CDH12: variants seen among roughly 807,000 people sequenced by gnomAD.
CDH12 encodes the protein cadherin-12.
A neutral mutation model predicts 74.1 loss-of-function variants in CDH12; 41 were observed. That is an observed-to-expected ratio of 0.55 (90% CI 0.43 to 0.72). The LOEUF is 0.72. Among genes scored for constraint, CDH12 ranks in the 30% least tolerant of loss-of-function variants. The pLI, the probability that CDH12 is intolerant of heterozygous loss-of-function variation, is 0.00. For synonymous variants in CDH12, 399 were observed against 355.0 expected (o/e 1.12, Z -1.39); for missense variants, 945 against 977.2 (o/e 0.97, Z 0.44).
At chr5:22,186,224 A>T (rs1322865658) in intron 4 of CDH12, among the ~76,000 whole-genome samples, 1 of 152,232 alleles carries the variant, frequency 6.6e-6, no homozygotes, top group African/African-American at 2.4e-5. Flanking sequence ...ACACACATAT[A>T]TGAAGAATTT....
chr5:22,725,741 A>G (rs1744133973), intron 1 of CDH12, among the ~76,000 whole-genome samples: 1 of 151,774 alleles, frequency 6.6e-6, no homozygotes, highest in Non-Finnish European at 1.5e-5. Context: ...AAAAACATTC[A>G]GACTATAGCA....
At chr5:22,485,999 GT>G (rs987820469) in intron 2 of CDH12, among the ~76,000 whole-genome samples, 2 of 152,144 alleles carry the variant, frequency 1.3e-5, no homozygotes, top group African/African-American at 4.8e-5. Context: ...CTTTTTCAAA[GT>G]GACTTCCAAG....
chr5:22,039,508 G>C (rs62349096), intron 5 of CDH12, among the ~76,000 whole-genome samples: 1 of 152,074 alleles, frequency 6.6e-6, no homozygotes, highest in Non-Finnish European at 1.5e-5. Context: ...CTACATCCTA[G>C]TACCTAATGC....
intron 1 of CDH12, among the ~76,000 whole-genome samples, chr5:22,620,217 C>T (rs536045854): frequency 3.3e-5 from 5 of 152,006 alleles, no homozygotes; most frequent in Admixed American, 2.6e-4. Flanking sequence ...CCCCCAATGG[C>T]CACTCCACAT....
chr5:22,687,298 A>G (rs1741855338), intron 1 of CDH12, among the ~76,000 whole-genome samples: 1 of 152,334 alleles, frequency 6.6e-6, no homozygotes, highest in Admixed American at 6.5e-5. Context: ...GTCTAAAAAA[A>G]AAAGAAAGAA....
At chr5:22,012,106 TTTAA>T (rs1407673564) in intron 5 of CDH12, among the ~76,000 whole-genome samples, 1 of 149,992 alleles carries the variant, frequency 6.7e-6, no homozygotes, top group Non-Finnish European at 1.5e-5. Context: ...GAAAATTTTC[TTTAA>T]TTATTAACGA....
chr5:21,753,499 T>A (rs1744212260), intron 14 of CDH12, among the ~76,000 whole-genome samples: 1 of 152,178 alleles, frequency 6.6e-6, no homozygotes, highest in African/African-American at 2.4e-5. Flanking sequence ...AGAAAGAAAC[T>A]AGCTGGATGT....
intron 4 of CDH12, among the ~76,000 whole-genome samples, chr5:22,205,318 G>T (rs1304147881): frequency 1.3e-5 from 2 of 152,034 alleles, no homozygotes; most frequent in Non-Finnish European, 2.9e-5. Context: ...TGCCTTCATA[G>T]AGCTCACATT....
rs79478628 is a variant in CDH12 at position 22,313,489 on chromosome 5, C to T, written c.-333+91768G>A. ...CCAACTTATTCTGGTTTGCCTGGGA[C>T]TTTCCCAGTCTTTGTTCTAAAAGTC... On this transcript the variant is annotated intron_variant, in intron 3 of 14. Transcript: ENST00000382254. Among the ~76,000 whole-genome samples, 685 of 152,216 alleles carry T rather than the reference C, an allele frequency of 4.5e-3. 8 individuals carry two copies. Among genetic ancestry groups the T allele is most frequent in the African/African-American group, 0.016 (656 of 41,520 alleles).
At chr5:22,682,878 T>A (rs905502271) in intron 1 of CDH12, among the ~76,000 whole-genome samples, 1 of 152,118 alleles carries the variant, frequency 6.6e-6, no homozygotes, top group Non-Finnish European at 1.5e-5. Context: ...AATTTTGCTA[T>A]CTTCCAAAGT....
intron 10 of CDH12, among the ~76,000 whole-genome samples, chr5:21,800,599 G>C (rs943865470): frequency 3.9e-5 from 6 of 152,260 alleles, no homozygotes; most frequent in Admixed American, 2.0e-4. Flanking sequence ...CGCTGGATCT[G>C]CTGGTCGCTT....
rs558607169 is a variant in CDH12 at position 22,285,356 on chromosome 5, G to T, written c.-332-72713C>A. Among the ~76,000 whole-genome samples the T allele has an allele frequency of 8.3e-4, 127 of 152,198 alleles. 5 individuals carry two copies. The South Asian group carries it at 0.026, about 31-fold the overall frequency. The stretch of plus-strand genomic sequence containing the variant: ...CGTGCATATTTGCTCTTAGTTCCCA[G>T]CTAAATTTCAGAATTTTATGTATAT... On this transcript the variant is annotated intron_variant, in intron 3 of 14. Coordinates refer to ENST00000382254, the MANE Select transcript of CDH12 (RefSeq NM_004061.5).
intron 5 of CDH12, among the ~76,000 whole-genome samples, chr5:22,032,822 A>G (rs1335607184): frequency 6.7e-6 from 1 of 149,798 alleles, no homozygotes; most frequent in Non-Finnish European, 1.5e-5. Flanking sequence ...ATATACACAC[A>G]CACACACACA....
At chr5:22,600,769 C>T (rs1345277634) in intron 1 of CDH12, among the ~76,000 whole-genome samples, 7 of 151,686 alleles carry the variant, frequency 4.6e-5, no homozygotes, top group Admixed American at 4.6e-4. Flanking sequence ...CATATATAAT[C>T]GAATGGAATA....
chr5:22,283,251 T>TACACACACACACAC (rs70959712), intron 3 of CDH12, among the ~76,000 whole-genome samples: 6 of 102,038 alleles, frequency 5.9e-5, no homozygotes, highest in East Asian at 2.9e-4. Flanking sequence ...TATATATATA[T>TACACACACACACAC]ACACACACAC....
chr5:22,077,292 C>T (rs1312832813), intron 5 of CDH12, among the ~76,000 whole-genome samples: 2 of 152,056 alleles, frequency 1.3e-5, no homozygotes, highest in Non-Finnish European at 2.9e-5. Context: ...ATTTAATATC[C>T]TTTAAATACA....
chr5:21,893,816 G>A lies in CDH12; in HGVS notation c.527-39026C>T, dbSNP rs552809533. Among the ~76,000 whole-genome samples, 4 of 152,262 alleles carry A rather than the reference G, an allele frequency of 2.6e-5. 1 individual carries two copies. The highest frequency in any genetic ancestry group is 9.6e-5 in the African/African-American group (4 of 41,556). Reference sequence around the variant, plus strand: ...AAAGAAACAAATTTGTAAGAAAAGTGTACCAACTGAAATGGCTCCTTACAT... The same window carrying A: ...AAAGAAACAAATTTGTAAGAAAAGTATACCAACTGAAATGGCTCCTTACAT... On this transcript the variant is annotated intron_variant, in intron 6 of 14. Transcript: ENST00000382254.
At chr5:22,646,707 A>G (rs1739452682) in intron 1 of CDH12, among the ~76,000 whole-genome samples, 1 of 151,956 alleles carries the variant, frequency 6.6e-6, no homozygotes, top group Admixed American at 6.6e-5. Flanking sequence ...GATCACAGGA[A>G]CAATTAGTGA....
At chr5:22,113,757 A>G (rs1358006482) in intron 4 of CDH12, among the ~76,000 whole-genome samples, 1 of 152,186 alleles carries the variant, frequency 6.6e-6, no homozygotes, top group Non-Finnish European at 1.5e-5. Context: ...CCAAAAATAC[A>G]GTTATTCTAA....
Sources: gnomAD v4.1 joint callset for allele counts (sites outside exome capture counted in the v4.1 genomes callset) on GRCh38, gnomAD v4.1.1 for gene constraint, MANE v1.5 for transcripts, NCBI Gene and HGNC (gene_info 2026-07-23, HGNC 2026-07-21) for gene names.